CREBRF: variants seen among roughly 807,000 people sequenced by gnomAD.
CREBRF encodes UPF0474 protein C5orf41.
In CREBRF, 5 loss-of-function variants were observed where a neutral mutation model predicts 66.1. That is an observed-to-expected ratio of 0.08 (90% CI 0.04 to 0.16). The LOEUF (loss-of-function observed/expected upper bound fraction) is 0.16, where lower values mean the gene tolerates loss of function less well. CREBRF is among the 10% of genes least tolerant of loss of function. The probability of loss-of-function intolerance (pLI) is 1.00; values close to 1 mark genes in which losing one functional copy is unlikely to be tolerated. For synonymous variants in CREBRF, 229 were observed against 264.4 expected, an observed-to-expected ratio of 0.87 and a Z score of 1.30; for missense variants, 531 against 744.9, an observed-to-expected ratio of 0.71 and a Z score of 3.34.
intron 1 of CREBRF, among the ~76,000 whole-genome samples, chr5:173,078,303 C>T (rs997866006): frequency 2.0e-5 from 3 of 152,134 alleles, no homozygotes; most frequent in African/African-American, 7.2e-5. Context: ...TTAGATGATT[C>T]GGAAGAGCTA....
At chr5:173,060,919 C>T (rs991690591) in intron 1 of CREBRF, among the ~76,000 whole-genome samples, 2 of 152,236 alleles carry the variant, frequency 1.3e-5, no homozygotes, top group South Asian at 2.1e-4. Context: ...TGTGCTTCCA[C>T]GGCTATAGTT....
intron 1 of CREBRF, among the ~76,000 whole-genome samples, chr5:173,059,319 C>CA (rs1240952833): frequency 1.5e-5 from 2 of 131,460 alleles, no homozygotes; most frequent in African/African-American, 5.8e-5. Context: ...GGCTGGAGTG[C>CA]AGTGGGAAGA....
intron 4 of CREBRF, among the ~76,000 whole-genome samples, chr5:173,101,651 C>T (rs536781733): frequency 6.6e-6 from 1 of 151,852 alleles, no homozygotes; most frequent in East Asian, 2.0e-4. Context: ...CTCCTGGGTT[C>T]AAGTGATTCT....
intron 2 of CREBRF, among the ~76,000 whole-genome samples, chr5:173,082,668 G>A (rs1370115491): frequency 1.3e-5 from 2 of 151,736 alleles, no homozygotes; most frequent in African/African-American, 4.8e-5. Context: ...AGAACTTTGG[G>A]AGGCCAAGGT....
At chr5:173,085,074 A>C (rs62385897) in intron 2 of CREBRF, among the ~76,000 whole-genome samples, 99,576 of 151,726 alleles carry the variant, frequency 0.66, 33,119 homozygotes, top group Middle Eastern at 0.7. Flanking sequence ...TCCTGAATAT[A>C]TGGGATTACA....
chr5:173,111,069 A>G (rs1758858216), intron 6 of CREBRF, among the ~76,000 whole-genome samples: 1 of 152,170 alleles, frequency 6.6e-6, no homozygotes, highest in Non-Finnish European at 1.5e-5. Context: ...AAACATATCC[A>G]ATCATACAAC....
chr5:173,100,102 GTGTGTGTGTGTGTGTGTA>G (rs1252882905), intron 4 of CREBRF, among the ~76,000 whole-genome samples: 1 of 129,980 alleles, frequency 7.7e-6, no homozygotes. Flanking sequence ...GTGTGTGTGT[GTGTGTGTGTGTGTGTGTA>G]TATATATATA....
At chr5:173,121,825 T>C (rs1759145737) in intron 7 of CREBRF, among the ~76,000 whole-genome samples, 2 of 152,200 alleles carry the variant, frequency 1.3e-5, no homozygotes, top group Non-Finnish European at 2.9e-5. Context: ...TGGACATCGA[T>C]GCATGTCTAC....
At chr5:173,087,756 C>T (rs922352454) in intron 3 of CREBRF, among the ~76,000 whole-genome samples, 1 of 152,006 alleles carries the variant, frequency 6.6e-6, no homozygotes, top group Admixed American at 6.6e-5. Flanking sequence ...GAGGCCGAGG[C>T]GGGTGGATCA....
intron 4 of CREBRF, among the ~76,000 whole-genome samples, chr5:173,096,923 T>C (rs74681989): frequency 6.6e-6 from 1 of 152,192 alleles, no homozygotes; most frequent in Non-Finnish European, 1.5e-5. Flanking sequence ...TTGCATATAT[T>C]GAATCATCCT....
chr5:173,096,228 C>CA (rs1758473286), intron 4 of CREBRF, among the ~76,000 whole-genome samples: 2 of 152,204 alleles, frequency 1.3e-5, no homozygotes, highest in South Asian at 4.1e-4. Context: ...CTTGGCCTCT[C>CA]AAAGTGCTGG....
At chr5:173,059,786 A>G (rs1456309015) in intron 1 of CREBRF, among the ~76,000 whole-genome samples, 7 of 152,238 alleles carry the variant, frequency 4.6e-5, no homozygotes, top group African/African-American at 1.2e-4. Flanking sequence ...AATAGATGCA[A>G]TAGAACTTAT....
intron 4 of CREBRF, among the ~76,000 whole-genome samples, chr5:173,098,494 TTAAG>T (rs1235173207): frequency 6.6e-6 from 1 of 152,222 alleles, no homozygotes; most frequent in Non-Finnish European, 1.5e-5. Context: ...CTTAAATTTG[TTAAG>T]TAAGACTTGT....
intron 1 of CREBRF, among the ~76,000 whole-genome samples, chr5:173,066,808 CTTTTTTTTTT>C (rs34093582): frequency 3.2e-5 from 2 of 63,032 alleles, no homozygotes; most frequent in African/African-American, 6.6e-5. Flanking sequence ...TTCATTGAAT[CTTTTTTTTTT>C]TTTTTTTTTT....
chr5:173,098,189 CTTT>C (rs1272404813), intron 4 of CREBRF, among the ~76,000 whole-genome samples: 5 of 140,024 alleles, frequency 3.6e-5, no homozygotes, highest in African/African-American at 5.2e-5. Flanking sequence ...AATTTTCCTT[CTTT>C]TTTTTTTTTT....
At chr5:173,108,430 C>T (rs1002017331) in intron 4 of CREBRF, among the ~76,000 whole-genome samples, 194 bp from the exon 5 acceptor site, 15 of 152,056 alleles carry the variant, frequency 9.9e-5, no homozygotes, top group African/African-American at 1.4e-4. Context: ...TTATTAATCT[C>T]GGAATGTTTT....
intron 7 of CREBRF, among the ~76,000 whole-genome samples, chr5:173,114,398 A>C (rs1304948820): frequency 6.6e-6 from 1 of 152,190 alleles, no homozygotes; most frequent in East Asian, 1.9e-4. Flanking sequence ...AATAGTTTCT[A>C]GAATTTGTGA....
At chr5:173,117,632 TC>T (rs1447733036) in intron 7 of CREBRF, among the ~76,000 whole-genome samples, 1 of 64,846 alleles carries the variant, frequency 1.5e-5, no homozygotes, top group African/African-American at 4.9e-5. Context: ...ACTCCCTCCC[TC>T]CCTCCTTCTC....
chr5:173,130,920 TG>T (rs1405317893), intron 8 of CREBRF, among the ~76,000 whole-genome samples: 1 of 152,174 alleles, frequency 6.6e-6, no homozygotes, highest in Non-Finnish European at 1.5e-5. Flanking sequence ...TTGGCCAGGC[TG>T]GTCTCAAACT....
Sources: gnomAD v4.1 joint callset for allele counts (sites outside exome capture counted in the v4.1 genomes callset) on GRCh38, gnomAD v4.1.1 for gene constraint, MANE v1.5 for transcripts, NCBI Gene and HGNC (gene_info 2026-07-23, HGNC 2026-07-21) for gene names.